The following NFATC1 variants were observed in gnomAD, a reference collection of about 807,000 sequenced individuals.
NFATC1 encodes the protein nuclear factor of activated T-cells, cytoplasmic 1.
In NFATC1, 22 loss-of-function variants were observed where a neutral mutation model predicts 76.0. The observed-to-expected ratio is 0.29, with a 90% CI of 0.21 to 0.41. NFATC1 has a LOEUF of 0.41. Ranked by LOEUF, NFATC1 falls within the 10% of genes least tolerant of loss-of-function variation. The probability of loss-of-function intolerance (pLI) is 1.00; values close to 1 mark genes in which losing one functional copy is unlikely to be tolerated. For synonymous variants in NFATC1, 704 were observed against 613.1 expected (o/e 1.15, Z -2.19); for missense variants, 1,357 against 1,337.7 (o/e 1.01, Z -0.23).
intron 2 of NFATC1, among the ~76,000 whole-genome samples, chr18:79,413,579 C>T (rs1568930422): frequency 1.3e-5 from 2 of 152,224 alleles, no homozygotes; most frequent in African/African-American, 4.8e-5. Context: ...TCTGTAAAGA[C>T]CCTCTCTCCA....
At chr18:79,453,914 T>G (rs1048644768) in intron 6 of NFATC1, among the ~76,000 whole-genome samples, 1 of 152,250 alleles carries the variant, frequency 6.6e-6, no homozygotes, top group African/African-American at 2.4e-5. Context: ...GAGCCGTTGC[T>G]TACAACACGT....
chr18:79,431,011 C>G (rs1456572880), intron 2 of NFATC1, among the ~76,000 whole-genome samples: 1 of 152,234 alleles, frequency 6.6e-6, no homozygotes, highest in Admixed American at 6.5e-5. Context: ...ATGCTGATCA[C>G]CTCACGTGGG....
chr18:79,492,020 G>A (rs1298510902), intron 9 of NFATC1, among the ~76,000 whole-genome samples: 1 of 152,230 alleles, frequency 6.6e-6, no homozygotes, highest in Non-Finnish European at 1.5e-5. Flanking sequence ...TGCCCGTGAG[G>A]ACATAGAACT....
At chr18:79,398,962 G>T (rs925974289) in intron 1 of NFATC1, among the ~76,000 whole-genome samples, 6 of 152,252 alleles carry the variant, frequency 3.9e-5, no homozygotes, top group Non-Finnish European at 1.5e-5. Flanking sequence ...AGCTACTCTG[G>T]AGGCTGAGGC....
chr18:79,406,751 C>A (rs1179904735), intron 1 of NFATC1, among the ~76,000 whole-genome samples: 1 of 152,140 alleles, frequency 6.6e-6, no homozygotes, highest in Non-Finnish European at 1.5e-5. Context: ...CAGGCCTGCG[C>A]TCGACAAAAC....
At chr18:79,474,249 C>A (rs1314133631) in intron 8 of NFATC1, among the ~76,000 whole-genome samples, 1 of 106,380 alleles carries the variant, frequency 9.4e-6, no homozygotes, top group African/African-American at 4.1e-5. Context: ...CGTGTTCTCG[C>A]GCTCACTGTC....
At chr18:79,480,317 G>A (rs887631568) in intron 8 of NFATC1, among the ~76,000 whole-genome samples, 16 of 152,232 alleles carry the variant, frequency 1.1e-4, no homozygotes, top group African/African-American at 3.6e-4. Flanking sequence ...GAGAGGGAGC[G>A]CCTGCCTGTG....
chr18:79,481,009 C>G (rs1348730362), intron 8 of NFATC1, among the ~76,000 whole-genome samples: 1 of 152,238 alleles, frequency 6.6e-6, no homozygotes, highest in Non-Finnish European at 1.5e-5. Context: ...TTCGGGACAC[C>G]AGCATCTTCT....
rs1286700098 is a variant in NFATC1 at position 79,467,454 on chromosome 18, C to A, written c.1964C>A (p.Ser655Tyr). The A allele has an allele frequency of 6.3e-7, 1 of 1,599,150 alleles. No individual in the cohort carries two copies. Residue 655 changes from serine (S) to tyrosine (Y), a missense_variant, in exon 8 of 10, where the codon TCT becomes TAT. Physicochemically the swap from Ser to Tyr is moderately radical, Grantham distance 144. Coordinates refer to ENST00000427363, the MANE Select transcript of NFATC1 (RefSeq NM_001278669.2). ...CTGTGTGCCCTTCTCCTGTAGAATTCTCTGGTGGTTGAGATCCCGCCATTT... is the reference window on the plus strand; with the variant it reads ...CTGTGTGCCCTTCTCCTGTAGAATTATCTGGTGGTTGAGATCCCGCCATTT... ...KTDRDLCKPNSLVVEIPPFRN... is the reference protein window; with the variant it reads ...KTDRDLCKPNYLVVEIPPFRN...
intron 7 of NFATC1, among the ~76,000 whole-genome samples, chr18:79,463,755 C>T (rs2088274837): frequency 6.6e-6 from 1 of 152,128 alleles, no homozygotes; most frequent in Non-Finnish European, 1.5e-5. Flanking sequence ...TGGCCTCGTG[C>T]TGCCTACCCT....
intron 1 of NFATC1, chr18:79,400,550 G>A (rs965208673): frequency 1.7e-5 from 21 of 1,247,410 alleles, no homozygotes; most frequent in Non-Finnish European, 2.1e-5. Context: ...GGCCCCCTCC[G>A]CGTCCTCGTC....
intron 2 of NFATC1, among the ~76,000 whole-genome samples, chr18:79,429,918 T>C (rs767339421): frequency 2.6e-5 from 4 of 152,240 alleles, no homozygotes; most frequent in Non-Finnish European, 5.9e-5. Context: ...GAGCGTAGTT[T>C]TACTGCATCT....
intron 9 of NFATC1, among the ~76,000 whole-genome samples, chr18:79,516,652 G>A (rs2090392204): frequency 6.6e-6 from 1 of 152,160 alleles, no homozygotes; most frequent in African/African-American, 2.4e-5. Context: ...TGCTTGTGAA[G>A]GAGGAAACAT....
chr18:79,496,298 A>G (rs2089885330), intron 9 of NFATC1: 2 of 152,498 alleles, frequency 1.3e-5, no homozygotes, highest in African/African-American at 4.8e-5. Context: ...TAGATCTGTG[A>G]GCCAGCATGT....
chr18:79,489,307 G>A (rs2089610156), intron 9 of NFATC1, among the ~76,000 whole-genome samples: 1 of 152,190 alleles, frequency 6.6e-6, no homozygotes, highest in Non-Finnish European at 1.5e-5. Flanking sequence ...GGAGGGGAGT[G>A]CACAGACGAC....
intron 9 of NFATC1, among the ~76,000 whole-genome samples, chr18:79,492,881 A>AAAAAAG (rs545900115): frequency 0.046 from 6,676 of 146,068 alleles, 596 homozygotes; most frequent in African/African-American, 0.17. Context: ...CTCAAAAAAA[A>AAAAAAG]AAAAGAAAAA....
At chr18:79,482,838 G>A (rs55694305) in intron 8 of NFATC1, among the ~76,000 whole-genome samples, 1 of 131,982 alleles carries the variant, frequency 7.6e-6, no homozygotes, top group Non-Finnish European at 1.6e-5. Flanking sequence ...TGTAATTCCA[G>A]CGTGACCTGG....
intron 8 of NFATC1, among the ~76,000 whole-genome samples, chr18:79,474,074 G>A (rs1010422064): frequency 6.1e-5 from 9 of 146,374 alleles, no homozygotes; most frequent in Non-Finnish European, 8.9e-5. Flanking sequence ...TGAGGGAAGC[G>A]TGTTCTCACG....
At chr18:79,496,085 C>T (rs1041459369) in intron 9 of NFATC1, 13 of 152,694 alleles carry the variant, frequency 8.5e-5, no homozygotes, top group Non-Finnish European at 5.9e-5. Context: ...GTCATTGTAA[C>T]GCTGTGTTTT....
Sources: gnomAD v4.1 joint callset for allele counts (sites outside exome capture counted in the v4.1 genomes callset) on GRCh38, gnomAD v4.1.1 for gene constraint, MANE v1.5 for transcripts, NCBI Gene and HGNC (gene_info 2026-07-23, HGNC 2026-07-21) for gene names.